APBB2: variants seen among roughly 807,000 people sequenced by gnomAD.
The protein encoded by APBB2 is Fe65-like 1.
A neutral mutation model predicts 82.5 loss-of-function variants in APBB2; 38 were observed. That is an observed-to-expected ratio of 0.46 (90% confidence interval 0.36 to 0.60). The LOEUF is 0.60. APBB2 is among the 20% of genes least tolerant of loss of function. APBB2 has a pLI of 0.00. For missense variants in APBB2, 772 were observed against 972.3 expected, an observed-to-expected ratio of 0.79 and a Z score of 2.74; for synonymous variants, 341 against 368.2, an observed-to-expected ratio of 0.93 and a Z score of 0.85.
intron 6 of APBB2, among the ~76,000 whole-genome samples, chr4:40,984,900 A>G (rs543607464): frequency 6.6e-6 from 1 of 152,096 alleles, no homozygotes; most frequent in Admixed American, 6.5e-5. Context: ...TTTACATAAC[A>G]GTTTTGATCT....
intron 3 of APBB2, among the ~76,000 whole-genome samples, chr4:41,073,735 T>A (rs1244258431): frequency 6.6e-6 from 1 of 151,980 alleles, no homozygotes; most frequent in Non-Finnish European, 1.5e-5. Context: ...TATATTAAAA[T>A]AAGACAAGTG....
intron 10 of APBB2, among the ~76,000 whole-genome samples, chr4:40,896,918 G>T (rs73148579): frequency 0.039 from 5,946 of 152,262 alleles, 369 homozygotes; most frequent in African/African-American, 0.14. Flanking sequence ...TAGTGACCCT[G>T]GCTGGAGTGA....
chr4:41,006,574 T>C (rs1806807441), intron 6 of APBB2, among the ~76,000 whole-genome samples: 1 of 152,106 alleles, frequency 6.6e-6, no homozygotes, highest in South Asian at 2.1e-4. Context: ...AGCGATTCTC[T>C]TGCCTCAGCC....
intron 3 of APBB2, among the ~76,000 whole-genome samples, chr4:41,074,756 T>A (rs971217621): frequency 6.6e-6 from 1 of 151,770 alleles, no homozygotes; most frequent in South Asian, 2.1e-4. Flanking sequence ...ACTACAGGCA[T>A]CCGCCACCAG....
chr4:40,848,826 C>T, intron 12 of APBB2: 1 of 983,782 alleles, frequency 1.0e-6, no homozygotes, highest in Non-Finnish European at 1.2e-6. Flanking sequence ...GCTTTTCCCC[C>T]AGGTCCTCCC....
At chr4:40,995,952 G>A (rs146661924) in intron 6 of APBB2, among the ~76,000 whole-genome samples, 225 of 152,278 alleles carry the variant, frequency 1.5e-3, no homozygotes, top group African/African-American at 5.2e-3. Flanking sequence ...TTACAGATGT[G>A]AGCCACCGTG....
chr4:40,928,420 ACACACAC>A (rs1419725146), intron 10 of APBB2, among the ~76,000 whole-genome samples: 4 of 61,150 alleles, frequency 6.5e-5, no homozygotes, highest in African/African-American at 2.7e-4. Flanking sequence ...ACACACACAC[ACACACAC>A]AATCAGCCAG....
At chr4:40,823,437 A>G (rs1748689786) in intron 16 of APBB2, among the ~76,000 whole-genome samples, 1 of 152,222 alleles carries the variant, frequency 6.6e-6, no homozygotes, top group African/African-American at 2.4e-5. Flanking sequence ...CAGAAGCACC[A>G]GAAGAGAAGT....
intron 1 of APBB2, among the ~76,000 whole-genome samples, chr4:41,194,647 G>C: frequency 6.6e-6 from 1 of 152,122 alleles, no homozygotes; most frequent in South Asian, 2.1e-4. Context: ...CTTGGTGACA[G>C]AGCAAGACCT....
intron 3 of APBB2, among the ~76,000 whole-genome samples, chr4:41,069,194 G>T (rs1354358330): frequency 6.6e-6 from 1 of 152,294 alleles, no homozygotes. Context: ...ACATTTGAGA[G>T]TAAAGGCAAG....
intron 12 of APBB2, among the ~76,000 whole-genome samples, chr4:40,839,413 T>C (rs1276764512): frequency 6.6e-6 from 1 of 152,028 alleles, no homozygotes; most frequent in East Asian, 1.9e-4. Context: ...AAGAGTCACA[T>C]TACACTCAAT....
At chr4:40,983,750 G>T (rs1170011878) in intron 6 of APBB2, among the ~76,000 whole-genome samples, 1 of 152,090 alleles carries the variant, frequency 6.6e-6, no homozygotes, top group African/African-American at 2.4e-5. Context: ...GCTAATTTTT[G>T]TATTTTTGGT....
intron 1 of APBB2, among the ~76,000 whole-genome samples, chr4:41,163,283 T>A (rs2154042475): frequency 6.6e-6 from 1 of 152,334 alleles, no homozygotes; most frequent in South Asian, 2.1e-4. Context: ...TTGAGAATCA[T>A]CACGCATTTT....
intron 2 of APBB2, among the ~76,000 whole-genome samples, chr4:41,140,791 T>G (rs1157303291): frequency 6.6e-6 from 1 of 152,308 alleles, no homozygotes; most frequent in South Asian, 2.1e-4. Context: ...GAACTGCACG[T>G]GCCAGGGATC....
At chr4:40,882,478 G>A (rs1045598059) in intron 12 of APBB2, among the ~76,000 whole-genome samples, 1 of 152,196 alleles carries the variant, frequency 6.6e-6, no homozygotes, top group African/African-American at 2.4e-5. Flanking sequence ...AGCCAGTTCT[G>A]CATTTCTGTG....
chr4:41,155,848 T>C (rs1763319350), intron 1 of APBB2, among the ~76,000 whole-genome samples: 1 of 152,188 alleles, frequency 6.6e-6, no homozygotes, highest in Non-Finnish European at 1.5e-5. Context: ...CCTCCAGAAA[T>C]ATCTGTTTAA....
At chr4:41,156,799 C>T (rs1190400360) in intron 1 of APBB2, among the ~76,000 whole-genome samples, 2 of 152,136 alleles carry the variant, frequency 1.3e-5, no homozygotes, top group African/African-American at 4.8e-5. Flanking sequence ...GGCACAGTGG[C>T]TCACGCCTGT....
At chr4:41,024,431 C>T (rs1713099131) in intron 5 of APBB2, among the ~76,000 whole-genome samples, 1 of 152,088 alleles carries the variant, frequency 6.6e-6, no homozygotes, top group Non-Finnish European at 1.5e-5. Flanking sequence ...GTGCATCTGA[C>T]AAAGGTCTAA....
chr4:40,956,379 G>A (rs188103597), intron 6 of APBB2, among the ~76,000 whole-genome samples: 313 of 152,326 alleles, frequency 2.1e-3, no homozygotes, highest in Middle Eastern at 6.8e-3. Flanking sequence ...CACTGACTAT[G>A]GTAAGAAAGG....
Sources: allele counts gnomAD v4.1 joint callset (sites outside exome capture counted in the v4.1 genomes callset), GRCh38; gene constraint gnomAD v4.1.1; transcripts MANE v1.5; gene names NCBI Gene and HGNC (gene_info 2026-07-23, HGNC 2026-07-21).